Variants in LRRC49 observed in about 807,000 individuals in gnomAD.
The protein encoded by LRRC49 is leucine-rich repeat-containing protein 49.
LRRC49 carries 50 observed loss-of-function variants against 83.3 expected under a neutral mutation model. The ratio of observed to expected loss-of-function variants is 0.60; its 90% confidence interval spans 0.48 to 0.76. The LOEUF is 0.76. Among genes scored for constraint, LRRC49 ranks in the 30% least tolerant of loss-of-function variants. LRRC49 has a pLI of 0.00. For synonymous variants in LRRC49, 286 were observed against 283.3 expected, an observed-to-expected ratio of 1.01 and a Z score of -0.10; for missense variants, 704 against 809.1, an observed-to-expected ratio of 0.87 and a Z score of 1.58.
intron 9 of LRRC49, among the ~76,000 whole-genome samples, chr15:70,971,644 G>T (rs1207689421): frequency 1.3e-5 from 2 of 152,128 alleles, no homozygotes; most frequent in African/African-American, 4.8e-5. Context: ...TTATGAATCT[G>T]AGTGCTCCTA....
intron 7 of LRRC49, among the ~76,000 whole-genome samples, chr15:70,927,282 T>G (rs1432673910): frequency 6.6e-6 from 1 of 152,224 alleles, no homozygotes; most frequent in East Asian, 1.9e-4. Flanking sequence ...GAACATCTTT[T>G]CAAGCATCTT....
At chr15:71,009,703 A>G (rs1175679107) in intron 12 of LRRC49, 104 bp from the exon 13 acceptor site, 3 of 720,840 alleles carry the variant, frequency 4.2e-6, no homozygotes, top group African/African-American at 3.6e-5. Context: ...CTAAGCCTAA[A>G]GTTTACATAT....
intron 2 of LRRC49, among the ~76,000 whole-genome samples, chr15:70,873,917 C>T (rs748986150): frequency 6.6e-6 from 1 of 152,154 alleles, no homozygotes; most frequent in African/African-American, 2.4e-5. Context: ...TCTACTGCAA[C>T]TAGGTGGTAG....
intron 11 of LRRC49, among the ~76,000 whole-genome samples, chr15:70,993,143 A>AC (rs2037949887): frequency 6.6e-6 from 1 of 152,186 alleles, no homozygotes; most frequent in African/African-American, 2.4e-5. Flanking sequence ...CCATGCTAGC[A>AC]ATGAGCGAGG....
chr15:70,873,881 G>A (rs1023393003), intron 2 of LRRC49, among the ~76,000 whole-genome samples: 31 of 152,150 alleles, frequency 2.0e-4, no homozygotes, highest in African/African-American at 7.0e-4. Context: ...TGATGGGAGT[G>A]GAAGAATTTT....
rs893344842 is a variant in LRRC49 at position 71,053,241 on chromosome 15, G to C, written c.*3629G>C. 4.6e-5 allele frequency: 7 copies of C among 152,162 alleles called. No individual in the cohort carries two copies. The highest frequency in any genetic ancestry group is 7.3e-5 in the Non-Finnish European group (5 of 68,028). The allele number at this position is 152,162 out of a possible 1,614,324, so 9.4% of individuals were successfully genotyped here. Reference sequence around the variant, plus strand: ...AGTTGGATCTTGGGTATATTTTAAAGATGAAGCAACAAGATTTACTGACAG... The same window carrying C: ...AGTTGGATCTTGGGTATATTTTAAACATGAAGCAACAAGATTTACTGACAG... On this transcript the variant is annotated 3_prime_UTR_variant, in exon 16 of 16. Transcript: ENST00000260382.
At chr15:70,873,604 C>G (rs1450940647) in intron 2 of LRRC49, among the ~76,000 whole-genome samples, 1 of 152,158 alleles carries the variant, frequency 6.6e-6, no homozygotes, top group Non-Finnish European at 1.5e-5. Context: ...GCCAGATGAT[C>G]TAGAATGACT....
At chr15:70,933,936 C>T (rs1382104553) in intron 7 of LRRC49, among the ~76,000 whole-genome samples, 1 of 152,098 alleles carries the variant, frequency 6.6e-6, no homozygotes, top group Non-Finnish European at 1.5e-5. Flanking sequence ...CCAAACTCTC[C>T]AACAAAACCC....
At chr15:70,873,738 A>G (rs941345746) in intron 2 of LRRC49, among the ~76,000 whole-genome samples, 2 of 152,210 alleles carry the variant, frequency 1.3e-5, no homozygotes, top group Non-Finnish European at 2.9e-5. Context: ...TTCCAAACAC[A>G]GCAAGAGGAC....
At chr15:71,017,107 T>C (rs2038853041) in intron 14 of LRRC49, among the ~76,000 whole-genome samples, 1 of 152,014 alleles carries the variant, frequency 6.6e-6, no homozygotes, top group Non-Finnish European at 1.5e-5. Context: ...CAAGACCCTG[T>C]CTCTAAATAA....
rs185249987 is a variant in LRRC49, at chr15:70,976,074, A to G, written c.922-4027A>G. Among the ~76,000 whole-genome samples, 7 of 152,340 alleles carry G rather than the reference A, an allele frequency of 4.6e-5. No homozygotes were observed. The East Asian group carries it at 1.4e-3, about 29-fold the overall frequency. On this transcript the variant is annotated intron_variant, in intron 9 of 15. Transcript: ENST00000260382. ...CAGGAATACTTAGCCACTACATTGA[A>G]GACAGGTGCAGTGTTCTTTGCGTGA... is the stretch of plus-strand genomic sequence containing the variant.
intron 1 of LRRC49, among the ~76,000 whole-genome samples, chr15:70,860,684 GC>G (rs2141069067): frequency 6.6e-6 from 1 of 152,304 alleles, no homozygotes; most frequent in South Asian, 2.1e-4. Context: ...ATTGCACTCT[GC>G]CCTATAGTTT....
intron 8 of LRRC49, among the ~76,000 whole-genome samples, chr15:70,948,493 A>G (rs1452836520): frequency 1.1e-5 from 1 of 94,610 alleles, no homozygotes; most frequent in African/African-American, 3.3e-5. Context: ...TCCATTAGCA[A>G]AGTTTTTTTT....
chr15:71,025,660 T>A (rs2039142501), intron 14 of LRRC49, among the ~76,000 whole-genome samples: 1 of 139,852 alleles, frequency 7.2e-6, no homozygotes, highest in Non-Finnish European at 1.6e-5. Context: ...AATGAAATAA[T>A]AAAATAAAAC....
intron 9 of LRRC49, among the ~76,000 whole-genome samples, chr15:70,975,809 G>T (rs1214967801): frequency 1.1e-4 from 17 of 152,034 alleles, no homozygotes; most frequent in African/African-American, 3.9e-4. Flanking sequence ...AAAAAAAAAG[G>T]AGCTCATCTC....
At chr15:70,891,633 G>A (rs900065535), upstream of LRRC49, among the ~76,000 whole-genome samples, 7 of 148,164 alleles carry the variant, frequency 4.7e-5, no homozygotes, top group African/African-American at 1.7e-4. Context: ...TTTGGGGGAG[G>A]AGCAGTTAGA....
chr15:70,949,958 TC>T (rs2036157115), intron 8 of LRRC49, among the ~76,000 whole-genome samples: 2 of 152,060 alleles, frequency 1.3e-5, no homozygotes, highest in Admixed American at 1.3e-4. Context: ...AGATATGCCT[TC>T]CCCTCACCCT....
At chr15:70,917,566 G>C (rs945607065) in intron 6 of LRRC49, among the ~76,000 whole-genome samples, 2 of 152,184 alleles carry the variant, frequency 1.3e-5, no homozygotes, top group Non-Finnish European at 2.9e-5. Flanking sequence ...GCTGAGAGCT[G>C]CAGAGTTGAT....
intron 14 of LRRC49, among the ~76,000 whole-genome samples, chr15:71,021,129 C>T (rs1247351870): frequency 6.6e-6 from 1 of 152,158 alleles, no homozygotes; most frequent in African/African-American, 2.4e-5. Context: ...ATCCTGGATC[C>T]CATGTAGTGG....
Sources: gnomAD v4.1 joint callset for allele counts (sites outside exome capture counted in the v4.1 genomes callset) on GRCh38, gnomAD v4.1.1 for gene constraint, MANE v1.5 for transcripts, NCBI Gene and HGNC (gene_info 2026-07-23, HGNC 2026-07-21) for gene names.